Variants in BLOC1S3 observed in about 807,000 individuals in gnomAD.
The protein encoded by BLOC1S3 is biogenesis of lysosome-related organelles complex 1 subunit 3.
In BLOC1S3, 7 loss-of-function variants were observed where a neutral mutation model predicts 9.1. That is an observed-to-expected ratio of 0.77 (90% confidence interval 0.44 to 1.45). BLOC1S3 has a LOEUF of 1.45. BLOC1S3 is among the 40% of genes most tolerant of loss of function. The probability of loss-of-function intolerance (pLI) is 0.01; values close to 1 mark genes in which losing one functional copy is unlikely to be tolerated. For synonymous variants in BLOC1S3, 145 were observed against 158.4 expected (o/e 0.92, Z 0.64); for missense variants, 307 against 315.2 (o/e 0.97, Z 0.20).
At chr19:45,185,937 C>T (rs761166459), downstream of BLOC1S3, among the ~76,000 whole-genome samples, 6 of 151,884 alleles carry the variant, frequency 4.0e-5, no homozygotes, top group Non-Finnish European at 7.4e-5. Flanking sequence ...ATGGTGAAAC[C>T]CCCGTCTCTA....
Position 45,179,808 on chromosome 19 carries a change from C to G in BLOC1S3, c.512C>G (p.Ala171Gly), listed in dbSNP as rs778521433. Residue 171 changes from alanine (A) to glycine (G), a missense_variant, in exon 2 of 2, where the codon GCC becomes GGC. Transcript: ENST00000433642. This position sits in a 1 kb window ranked among gnomAD's most constrained non-coding sequence, Gnocchi z 4.6. ...GCGCGCGGGGACCTTTGTGCGCTGG[C>G]CGAGCGTCTGGACATCGTGGCTGGC... is the stretch of plus-strand genomic sequence containing the variant. ...RLARGDLCAL[A>G]ERLDIVAGCR... 7 of 1,604,126 alleles carry G rather than the reference C, an allele frequency of 4.4e-6. No homozygotes were observed. Among genetic ancestry groups the G allele is most frequent in the Non-Finnish European group, 5.1e-6 (6 of 1,177,138 alleles).
In BLOC1S3 at chr19:45,179,171, A is replaced by C; in HGVS notation, c.-9-117A>C. On this transcript the variant is annotated intron_variant, in intron 1 of 1. Transcript: ENST00000433642. The surrounding 1 kb of genome is among the most constrained non-coding windows in gnomAD (Gnocchi z 4.6). The stretch of plus-strand genomic sequence containing the variant: ...AGAGGAAACTGAGGCCCAGACGGGG[A>C]GCAGCTGACACCAAGTCGTTAAGAG... 1 of 1,182,150 alleles carries C rather than the reference A, an allele frequency of 8.5e-7. No individual in the cohort carries two copies. Among genetic ancestry groups the C allele is most frequent in the Non-Finnish European group, 1.1e-6 (1 of 897,878 alleles). The allele number at this position is 1,182,150 out of a possible 1,614,324, so 73.2% of individuals were successfully genotyped here.
Position 45,179,188 on chromosome 19 carries a change from C to T in BLOC1S3, c.-9-100C>T, listed in dbSNP as rs1458206787. 38 of 1,319,886 alleles carry T rather than the reference C, an allele frequency of 2.9e-5. No individual in the cohort carries two copies. The highest frequency in any genetic ancestry group is 6.6e-5 in the Admixed American group (2 of 30,422). 81.8% of individuals were successfully genotyped at this position (1,319,886 alleles called of 1,614,324 possible). A position where few individuals can be genotyped will look rare whatever the true frequency, so the allele number is the denominator to read the frequency against. On this transcript the variant is annotated intron_variant, in intron 1 of 1. Transcript: ENST00000433642. This position sits in a 1 kb window ranked among gnomAD's most constrained non-coding sequence, Gnocchi z 4.6. ...AGACGGGGAGCAGCTGACACCAAGT[C>T]GTTAAGAGAATCAGCGAAGGGGCTG...
At chr19:45,196,368 ACT>A (rs1187582443) in intron 2 of BLOC1S3, among the ~76,000 whole-genome samples, 1 of 151,542 alleles carries the variant, frequency 6.6e-6, no homozygotes, top group Non-Finnish European at 1.5e-5. Flanking sequence ...ACATAGCGAG[ACT>A]CTGTCTCAAA....
intron 2 of BLOC1S3, among the ~76,000 whole-genome samples, chr19:45,197,061 C>T (rs1336199262): frequency 1.3e-5 from 2 of 151,410 alleles, no homozygotes; most frequent in Non-Finnish European, 2.9e-5. Context: ...GGGACCTCAG[C>T]AGGTGGGTGG....
intron 3 of BLOC1S3, among the ~76,000 whole-genome samples, chr19:45,203,342 C>A (rs1358269872): frequency 1.3e-5 from 2 of 152,134 alleles, no homozygotes; most frequent in African/African-American, 4.8e-5. Context: ...GACGTGCTCT[C>A]GGCTCACTGC....
In BLOC1S3 at chr19:45,179,439, GCGGCCGCCCCA is replaced by G; in HGVS notation, c.147_157del (p.Arg50AlafsTer91). The G allele has an allele frequency of 6.5e-7, 1 of 1,526,982 alleles. No individual in the cohort carries two copies. Among genetic ancestry groups the G allele is most frequent in the Non-Finnish European group, 8.7e-7 (1 of 1,143,410 alleles). 94.6% of individuals were successfully genotyped at this position (1,526,982 alleles called of 1,614,324 possible). ...TACCTGGGTCCTTCGGGCCCGACGCGCGGCCGCCCCACGGGGCTGCGGGTGGCTGGGGAAGC... is the reference window on the plus strand; with the variant it reads ...TACCTGGGTCCTTCGGGCCCGACGCGCGGGGCTGCGGGTGGCTGGGGAAGC... On this transcript the variant is annotated frameshift_variant, in exon 2 of 2. Coordinates refer to ENST00000433642, the MANE Select transcript of BLOC1S3 (RefSeq NM_212550.5). LOFTEE classifies it high-confidence loss of function. The surrounding 1 kb of genome is among the most constrained non-coding windows in gnomAD (Gnocchi z 4.6).
At chr19:45,208,999 G>A (rs1325252750) in intron 3 of BLOC1S3, among the ~76,000 whole-genome samples, 1 of 151,996 alleles carries the variant, frequency 6.6e-6, no homozygotes, top group Non-Finnish European at 1.5e-5. Flanking sequence ...CAGTTAGGAG[G>A]AGTAAGTTCA....
intron 3 of BLOC1S3, among the ~76,000 whole-genome samples, chr19:45,202,978 T>C (rs760489398): frequency 1.3e-5 from 2 of 152,032 alleles, no homozygotes; most frequent in African/African-American, 2.4e-5. Flanking sequence ...GCCTCAGGAC[T>C]CCGCCTGGTG....
intron 2 of BLOC1S3, among the ~76,000 whole-genome samples, chr19:45,192,669 G>A (rs1293202314): frequency 6.6e-6 from 1 of 152,116 alleles, no homozygotes; most frequent in African/African-American, 2.4e-5. Context: ...TTCCTTCAAG[G>A]CAGCAGTTTC....
In BLOC1S3 at chr19:45,206,085, C is replaced by T. The variant is rs143394534; in HGVS notation, n.282+3578C>T. 5.8e-3 allele frequency among the ~76,000 whole-genome samples: 889 copies of T among 152,202 alleles called. 7 individuals carry two copies. The highest frequency in any genetic ancestry group is 0.021 in the African/African-American group (857 of 41,512). ...ATTAGGGGCCGGGCGCAGTGACTCA[C>T]GCCTGTAATTCCAGCACTTTGGGAG... On this transcript the variant is annotated intron_variant and non_coding_transcript_variant, in intron 3 of 3. Transcript: ENST00000591569.
Position 45,209,107 on chromosome 19 carries a change from G to A in BLOC1S3, n.282+6600G>A, listed in dbSNP as rs532542166. ...TCTGTTGCCCAGGCTGGAGTGCAAT[G>A]GTGCTACCTCGGCTCACTGCAACCT... On this transcript the variant is annotated intron_variant and non_coding_transcript_variant, in intron 3 of 3. Coordinates refer to the BLOC1S3 transcript ENST00000591569. 3.3e-5 allele frequency among the ~76,000 whole-genome samples: 5 copies of A among 151,822 alleles called. No individual in the cohort carries two copies. The South Asian group carries it at 8.4e-4, about 25-fold the overall frequency.
intron 2 of BLOC1S3, among the ~76,000 whole-genome samples, chr19:45,202,068 C>CA (rs1413307503): frequency 1.3e-5 from 2 of 151,716 alleles, no homozygotes; most frequent in Non-Finnish European, 2.9e-5. Flanking sequence ...CTAAAAACTA[C>CA]AAAAAATTAG....
intron 2 of BLOC1S3, among the ~76,000 whole-genome samples, chr19:45,199,744 TCTC>T (rs975280378): frequency 5.9e-5 from 9 of 151,874 alleles, no homozygotes; most frequent in Non-Finnish European, 1.3e-4. Flanking sequence ...TCTCTTCTCT[TCTC>T]CTCCTCTCCT....
intron 3 of BLOC1S3, among the ~76,000 whole-genome samples, chr19:45,206,344 T>G: frequency 1.1e-5 from 1 of 91,712 alleles, no homozygotes; most frequent in Admixed American, 1.5e-4. Context: ...ATGACAAGAG[T>G]GAAACTCTCA....
At chr19:45,196,898 C>CA (rs761156453) in intron 2 of BLOC1S3, among the ~76,000 whole-genome samples, 10,707 of 136,896 alleles carry the variant, frequency 0.078, 647 homozygotes, top group Non-Finnish European at 0.11. Context: ...AAGACTGTCT[C>CA]AAAAAAAAAA....
chr19:45,211,592 G>A (rs567117311), intron 3 of BLOC1S3, among the ~76,000 whole-genome samples: 4 of 151,914 alleles, frequency 2.6e-5, no homozygotes, highest in Admixed American at 2.6e-4. Flanking sequence ...GCCTCAGCCT[G>A]GGGAAAGAGA....
chr19:45,186,496 G>A (rs1599749763), downstream of BLOC1S3, among the ~76,000 whole-genome samples: 1 of 152,138 alleles, frequency 6.6e-6, no homozygotes, highest in East Asian at 1.9e-4. Flanking sequence ...CCTGAGGTCA[G>A]TAGTTCGAAA....
chr19:45,216,215 G>C, intron 3 of BLOC1S3: 5 of 1,612,156 alleles, frequency 3.1e-6, no homozygotes, highest in Non-Finnish European at 4.2e-6. Context: ...GGGAGGGTGC[G>C]GGGTCACACC....
Sources: allele counts gnomAD v4.1 joint callset (sites outside exome capture counted in the v4.1 genomes callset), GRCh38; gene constraint gnomAD v4.1.1; non-coding constraint Gnocchi (gnomAD v3.1); transcripts MANE v1.5; gene names NCBI Gene and HGNC (gene_info 2026-07-23, HGNC 2026-07-21).